The following NEBL variants were observed in gnomAD, a reference collection of about 807,000 sequenced individuals.
NEBL encodes the protein LIM and SH3 protein 2.
Under a neutral mutation model 140.2 loss-of-function variants are expected in NEBL, and 122 were observed. That is an observed-to-expected ratio of 0.87 (90% CI 0.75 to 1.01). NEBL has a LOEUF of 1.01. NEBL is among the 50% of genes least tolerant of loss of function. The pLI, the probability that NEBL is intolerant of heterozygous loss-of-function variation, is 0.00. For missense variants in NEBL, 1,365 were observed against 1,231.3 expected (o/e 1.11, Z -1.62); for synonymous variants, 436 against 398.9 (o/e 1.09, Z -1.11).
At chr10:20,843,564 A>G (rs1651511852) in intron 12 of NEBL, among the ~76,000 whole-genome samples, 1 of 152,114 alleles carries the variant, frequency 6.6e-6, no homozygotes, top group Admixed American at 6.6e-5. Flanking sequence ...ATTAACATAA[A>G]TAGTGTATTT....
At chr10:21,159,807 C>G (rs771220715) in intron 2 of NEBL, among the ~76,000 whole-genome samples, 5 of 152,200 alleles carry the variant, frequency 3.3e-5, no homozygotes, top group Non-Finnish European at 5.9e-5. Flanking sequence ...TCCACTGTCA[C>G]AATTTAATCA....
rs546306655 is a variant in NEBL, at chr10:20,812,293, C to T, written c.2518+476G>A. ...ATTGTGATCACTCATATCTCTGCTGCTTCTTTGCTTAACAAGGAGGAACAT... is the reference window on the plus strand; with the variant it reads ...ATTGTGATCACTCATATCTCTGCTGTTTCTTTGCTTAACAAGGAGGAACAT... On this transcript the variant is annotated intron_variant, in intron 24 of 27. Transcript: ENST00000377122. 3.3e-5 allele frequency among the ~76,000 whole-genome samples: 5 copies of T among 152,188 alleles called. No homozygotes were observed. The East Asian group carries it at 7.8e-4, about 24-fold the overall frequency.
At chr10:20,819,630 C>A (rs1839087081) in intron 19 of NEBL, 114 bp from the exon 20 acceptor site, 1 of 1,285,340 alleles carries the variant, frequency 7.8e-7, no homozygotes, top group African/African-American at 1.5e-5. Flanking sequence ...TTAATAAGAT[C>A]ATCATCAGGA....
Position 21,173,906 on chromosome 10 carries a change from G to A in NEBL, c.-73C>T. 5.1e-6 allele frequency: 8 copies of A among 1,562,892 alleles called. No homozygotes were observed. The highest frequency in any genetic ancestry group is 6.0e-6 in the Non-Finnish European group (7 of 1,161,184). On this transcript the variant is annotated 5_prime_UTR_variant, in exon 1 of 7. Transcript: ENST00000417816. This position sits in a 1 kb window ranked among gnomAD's most constrained non-coding sequence, Gnocchi z 5.7. Reference sequence around the variant, plus strand: ...GAGCCGCTGTGACATCCCCCGGCGAGCCCCGCACCGCCTCCTGGCAGGCGG... The same window carrying A: ...GAGCCGCTGTGACATCCCCCGGCGAACCCCGCACCGCCTCCTGGCAGGCGG...
Position 20,868,680 on chromosome 10 carries a change from GA to G in NEBL, c.667del (p.Ser223LeufsTer17). On this transcript the variant is annotated frameshift_variant, in exon 7 of 28. Transcript: ENST00000377122. LOFTEE classifies it high-confidence loss of function. ...AAGCCTTACTTGACTAGAAAGTTTA[GA>G]AGCTTCCACGGCATGTTCAAAATCT... ...RPDFEHAVEA[S>X]KLSSQIKYKE... 2 of 1,609,072 alleles carry G rather than the reference GA, an allele frequency of 1.2e-6. No homozygotes were observed. Among genetic ancestry groups the G allele is most frequent in the Non-Finnish European group, 1.7e-6 (2 of 1,175,568 alleles).
At chr10:21,061,474 T>C (rs1348181877) in intron 2 of NEBL, among the ~76,000 whole-genome samples, 1 of 148,214 alleles carries the variant, frequency 6.7e-6, no homozygotes, top group Admixed American at 6.8e-5. Context: ...TGATATATCA[T>C]ATATTACATC....
chr10:20,799,597 A>G (rs185649570), intron 26 of NEBL, among the ~76,000 whole-genome samples: 45 of 152,266 alleles, frequency 3.0e-4, no homozygotes, highest in Admixed American at 2.6e-3. Flanking sequence ...ATAACACTCA[A>G]ATATAGTTGG....
chr10:20,936,843 G>C (rs1300444548), intron 4 of NEBL, among the ~76,000 whole-genome samples: 1 of 152,106 alleles, frequency 6.6e-6, no homozygotes, highest in Non-Finnish European at 1.5e-5. Context: ...TTATGAATAA[G>C]CTTGGGTCGA....
At chr10:20,933,928 C>G (rs1183076005) in intron 4 of NEBL, among the ~76,000 whole-genome samples, 1 of 151,986 alleles carries the variant, frequency 6.6e-6, no homozygotes, top group Admixed American at 6.6e-5. Flanking sequence ...AGGAGTTTCT[C>G]AGTTCAGTAT....
chr10:21,030,921 A>G, intron 2 of NEBL: 1 of 253,266 alleles, frequency 3.9e-6, no homozygotes, highest in South Asian at 5.0e-5. Flanking sequence ...AGATCAGAGC[A>G]GGCCTGGCTA....
chr10:20,911,987 C>T (rs897486757), intron 4 of NEBL, among the ~76,000 whole-genome samples: 2 of 152,142 alleles, frequency 1.3e-5, no homozygotes, highest in East Asian at 3.9e-4. Context: ...CGTGTCATCG[C>T]AAATGGGGAA....
chr10:21,188,471 TAA>T (rs1469372226), intron 3 of NEBL, among the ~76,000 whole-genome samples: 5 of 152,238 alleles, frequency 3.3e-5, no homozygotes, highest in African/African-American at 4.8e-5. Flanking sequence ...ATACTAATTA[TAA>T]GTCTGATTTA....
chr10:20,820,392 CA>C (rs1229264790), intron 19 of NEBL, among the ~76,000 whole-genome samples: 1 of 152,132 alleles, frequency 6.6e-6, no homozygotes, highest in Non-Finnish European at 1.5e-5. Flanking sequence ...TTTTGGCAGA[CA>C]AAAGTAGAGC....
chr10:21,180,602 C>A (rs1841371012), intron 3 of NEBL, among the ~76,000 whole-genome samples: 1 of 152,156 alleles, frequency 6.6e-6, no homozygotes, highest in Non-Finnish European at 1.5e-5. Context: ...CCCTCCTTCT[C>A]TATAGAGCAA....
At chr10:21,245,855 C>G (rs1352880044) in intron 3 of NEBL, among the ~76,000 whole-genome samples, 4 of 152,324 alleles carry the variant, frequency 2.6e-5, no homozygotes, top group Admixed American at 6.5e-5. Context: ...ACCACTACGC[C>G]TGGCTAATTT....
intron 4 of NEBL, among the ~76,000 whole-genome samples, chr10:20,910,394 T>C (rs1358116375): frequency 1.3e-5 from 2 of 152,212 alleles, no homozygotes; most frequent in African/African-American, 4.8e-5. Flanking sequence ...TTAAAACACA[T>C]GCATCAGATG....
intron 2 of NEBL, among the ~76,000 whole-genome samples, chr10:21,148,494 C>G (rs1324424505): frequency 1.3e-5 from 2 of 152,048 alleles, no homozygotes; most frequent in East Asian, 3.9e-4. Context: ...TTATCCTGCC[C>G]TCCTTTTTTG....
At chr10:21,031,220 A>G (rs918360765) in intron 2 of NEBL, among the ~76,000 whole-genome samples, 11 of 152,202 alleles carry the variant, frequency 7.2e-5, no homozygotes, top group African/African-American at 2.7e-4. Flanking sequence ...AGAGAGAGAA[A>G]GAGGATGATG....
chr10:21,036,946 T>C (rs1185055601), intron 2 of NEBL, among the ~76,000 whole-genome samples: 1 of 152,138 alleles, frequency 6.6e-6, no homozygotes, highest in East Asian at 1.9e-4. Flanking sequence ...CTTTTGTTTG[T>C]TTCGTTTTGT....
Sources: gnomAD v4.1 joint callset for allele counts (sites outside exome capture counted in the v4.1 genomes callset) on GRCh38, gnomAD v4.1.1 for gene constraint, Gnocchi (gnomAD v3.1) non-coding constraint, MANE v1.5 for transcripts, NCBI Gene and HGNC (gene_info 2026-07-23, HGNC 2026-07-21) for gene names.